KTN1: variants seen among roughly 807,000 people sequenced by gnomAD.
KTN1 encodes kinectin.
A neutral mutation model predicts 222.5 loss-of-function variants in KTN1; 130 were observed. That is an observed-to-expected ratio of 0.58 (90% CI 0.51 to 0.68). The LOEUF is 0.68. Among genes scored for constraint, KTN1 ranks in the 30% least tolerant of loss-of-function variants. The pLI is 0.00. For missense variants in KTN1, 1,508 were observed against 1,500.4 expected, an observed-to-expected ratio of 1.01 and a Z score of -0.08; for synonymous variants, 512 against 496.3, an observed-to-expected ratio of 1.03 and a Z score of -0.42.
chr14:55,591,036 A>G (rs2034028340), intron 1 of KTN1, among the ~76,000 whole-genome samples: 1 of 151,740 alleles, frequency 6.6e-6, no homozygotes, highest in Non-Finnish European at 1.5e-5. Context: ...ATGTATGAAT[A>G]TTTTACAACC....
At chr14:55,649,673 G>T in intron 21 of KTN1, 103 bp from the exon 22 acceptor site, 2 of 692,922 alleles carry the variant, frequency 2.9e-6, no homozygotes, top group Non-Finnish European at 4.9e-6. Flanking sequence ...TTTCCCATTT[G>T]GATTTTGATT....
intron 11 of KTN1, 78 bp from the exon 12 acceptor site, chr14:55,637,701 C>A: frequency 2.1e-6 from 2 of 937,786 alleles, no homozygotes; most frequent in Non-Finnish European, 3.3e-6. Flanking sequence ...AACAAATGTA[C>A]CTATAATACA....
intron 7 of KTN1, 49 bp from the exon 8 acceptor site, chr14:55,633,186 C>A: frequency 2.0e-6 from 2 of 992,770 alleles, no homozygotes; most frequent in South Asian, 1.9e-5. Context: ...TAAAAGTTAG[C>A]TTTGACAGTC....
intron 32 of KTN1, chr14:55,663,720 T>C (rs1488421087): frequency 2.7e-5 from 11 of 402,234 alleles, no homozygotes; most frequent in Non-Finnish European, 2.2e-5. Flanking sequence ...TAGTAATTAT[T>C]TTAAAAGCTG....
At chr14:55,597,108 A>G (rs532814204) in intron 1 of KTN1, among the ~76,000 whole-genome samples, 1 of 152,318 alleles carries the variant, frequency 6.6e-6, no homozygotes, top group African/African-American at 2.4e-5. Flanking sequence ...CCACCTATAT[A>G]AAGTTATTTA....
chr14:55,636,661 A>G (rs2140962274), intron 10 of KTN1, 125 bp downstream of exon 10: 1 of 614,980 alleles, frequency 1.6e-6, no homozygotes, highest in South Asian at 2.2e-5. Context: ...TAGCTTTTAT[A>G]CTTTCAGAAT....
At chr14:55,588,152 T>G (rs1469228180) in intron 1 of KTN1, among the ~76,000 whole-genome samples, 3 of 152,216 alleles carry the variant, frequency 2.0e-5, no homozygotes, top group Admixed American at 1.3e-4. Flanking sequence ...AATAGTCAAT[T>G]AACATGTATA....
At chr14:55,629,831 A>G in intron 6 of KTN1, 126 bp from the exon 7 acceptor site, 1 of 706,724 alleles carries the variant, frequency 1.4e-6, no homozygotes. Flanking sequence ...TTTTTAAGCA[A>G]GTACTTAATG....
chr14:55,651,277 T>C, intron 24 of KTN1: 2 of 456,002 alleles, frequency 4.4e-6, no homozygotes, highest in South Asian at 3.1e-5. Flanking sequence ...ATCATACTTT[T>C]CTAATATAGA....
chr14:55,622,745 C>G (rs1387198831), intron 5 of KTN1, among the ~76,000 whole-genome samples: 2 of 152,136 alleles, frequency 1.3e-5, no homozygotes, highest in African/African-American at 4.8e-5. Context: ...TCTTAGTCCT[C>G]TAATTTTGTT....
chr14:55,659,568 C>T, intron 30 of KTN1, 98 bp from the exon 31 acceptor site: 1 of 790,718 alleles, frequency 1.3e-6, no homozygotes, highest in Non-Finnish European at 2.2e-6. Context: ...ACTATTTTTA[C>T]TTTTGTTGTT....
rs2045849852 is a variant in KTN1, at chr14:55,675,877, G to C, written c.3814G>C (p.Glu1272Gln). The C allele has an allele frequency of 6.2e-7, 1 of 1,613,398 alleles. No individual in the cohort carries two copies. Among genetic ancestry groups the C allele is most frequent in the South Asian group, 1.1e-5 (1 of 91,054 alleles). Reference sequence around the variant, plus strand: ...TGAAACACTCACAAAACTTAGAACTGAACAAAATGAAAGACAGAAGGTAGC... The same window carrying C: ...TGAAACACTCACAAAACTTAGAACTCAACAAAATGAAAGACAGAAGGTAGC... ...LNETLTKLRT[E>Q]QNERQKVAGD... The change falls in exon 41 of 44, where the codon GAA becomes CAA. Residue 1272 changes from glutamate to glutamine, a missense_variant. By Grantham distance (29) the Glu-to-Gln change is conservative. Transcript: ENST00000395314.
chr14:55,636,958 C>CTCT (rs899038910), intron 10 of KTN1, among the ~76,000 whole-genome samples: 25 of 151,952 alleles, frequency 1.6e-4, no homozygotes, highest in Admixed American at 1.6e-3. Flanking sequence ...TACTCATTTA[C>CTCT]TCTTAATTTG....
chr14:55,655,079 C>A (rs1423700194), intron 28 of KTN1, among the ~76,000 whole-genome samples: 2 of 152,134 alleles, frequency 1.3e-5, no homozygotes, highest in Non-Finnish European at 2.9e-5. Flanking sequence ...GCCAGGACAT[C>A]CTGGGCTCAA....
chr14:55,626,048 TC>T (rs1317609471), intron 5 of KTN1, among the ~76,000 whole-genome samples: 1 of 152,180 alleles, frequency 6.6e-6, no homozygotes, highest in Admixed American at 6.5e-5. Flanking sequence ...CTGTTAAACT[TC>T]CCTTGGACAC....
chr14:55,652,069 C>T, intron 25 of KTN1, 142 bp downstream of exon 25: 1 of 579,980 alleles, frequency 1.7e-6, no homozygotes, highest in Non-Finnish European at 3.0e-6. Flanking sequence ...TCCTAAGGGC[C>T]CTAAGTTTCT....
chr14:55,651,210 G>A, intron 24 of KTN1: 3 of 453,506 alleles, frequency 6.6e-6, no homozygotes, highest in South Asian at 4.7e-5. Context: ...CGTGATTGGT[G>A]GATCACTAGC....
chr14:55,668,231 A>C (rs796464959), intron 34 of KTN1: 31 of 152,246 alleles, frequency 2.0e-4, no homozygotes, highest in African/African-American at 6.5e-4. Flanking sequence ...GTTTTATTAA[A>C]TAATAACTTA....
intron 1 of KTN1, among the ~76,000 whole-genome samples, chr14:55,582,516 C>T (rs765446170): frequency 4.6e-5 from 7 of 152,078 alleles, no homozygotes; most frequent in Non-Finnish European, 8.8e-5. Flanking sequence ...TCTTAATCAG[C>T]CTGTCATGGT....
Sources: allele counts gnomAD v4.1 joint callset (sites outside exome capture counted in the v4.1 genomes callset), GRCh38; gene constraint gnomAD v4.1.1; transcripts MANE v1.5; gene names NCBI Gene and HGNC (gene_info 2026-07-23, HGNC 2026-07-21).